TP53I11: variants seen among roughly 807,000 people sequenced by gnomAD.
TP53I11 encodes tumor protein p53-inducible protein 11.
TP53I11 carries 9 observed loss-of-function variants against 23.3 expected under a neutral mutation model. That is an observed-to-expected ratio of 0.39 (90% CI 0.23 to 0.67). The LOEUF (loss-of-function observed/expected upper bound fraction) is 0.67. TP53I11 is among the 30% of genes least tolerant of loss of function. TP53I11 has a pLI of 0.48. For missense variants in TP53I11, 170 were observed against 255.2 expected (o/e 0.67, Z 2.27); for synonymous variants, 100 against 106.1 (o/e 0.94, Z 0.35).
At chr11:44,947,083 A>G (rs1862459200) in intron 1 of TP53I11, 1 of 456,246 alleles carries the variant, frequency 2.2e-6, no homozygotes, top group Non-Finnish European at 4.4e-6. Flanking sequence ...GGTGGCAAGA[A>G]GGAGGCATTC....
intron 1 of TP53I11, among the ~76,000 whole-genome samples, chr11:44,938,881 T>A (rs2135446162): frequency 6.6e-6 from 1 of 152,176 alleles, no homozygotes; most frequent in African/African-American, 2.4e-5. Context: ...CCTTCAAACC[T>A]GCCAAGACCA....
intron 1 of TP53I11, among the ~76,000 whole-genome samples, chr11:44,945,004 G>A (rs1304912512): frequency 3.3e-5 from 5 of 152,224 alleles, no homozygotes; most frequent in African/African-American, 4.8e-5. Flanking sequence ...GACTATGCCC[G>A]TGAGGGCTGG....
chr11:44,935,944 A>C, intron 5 of TP53I11: 2 of 505,900 alleles, frequency 4.0e-6, no homozygotes, highest in Non-Finnish European at 7.2e-6. Flanking sequence ...TCTCTTTATA[A>C]AGGGGGAGGA....
At chr11:44,947,184 G>A (rs1484432010) in intron 1 of TP53I11, 2 of 451,806 alleles carry the variant, frequency 4.4e-6, no homozygotes, top group Non-Finnish European at 8.9e-6. Context: ...GAAGTCACTG[G>A]GAGGTTTTTC....
At chr11:44,942,108 G>A (rs1167814433) in intron 1 of TP53I11, among the ~76,000 whole-genome samples, 5 of 6,960 alleles carry the variant, frequency 7.2e-4, no homozygotes, top group Admixed American at 1.7e-3. Context: ...CACACAATAC[G>A]TGCACACACA....
intron 1 of TP53I11, chr11:44,950,315 C>T (rs1166615008): frequency 6.6e-6 from 1 of 152,362 alleles, no homozygotes; most frequent in Non-Finnish European, 1.5e-5. Flanking sequence ...AAGCAGAAAG[C>T]TCGAGCCCGA....
At chr11:44,938,838 C>T (rs926718830) in intron 1 of TP53I11, among the ~76,000 whole-genome samples, 6 of 152,154 alleles carry the variant, frequency 3.9e-5, no homozygotes, top group East Asian at 1.9e-4. Context: ...TCCTGCAAGC[C>T]GGTGAGCCCC....
chr11:44,936,435 G>A lies in TP53I11; in HGVS notation c.334+368C>T. 2 of 1,232,852 alleles carry A rather than the reference G, an allele frequency of 1.6e-6. No homozygotes were observed. The highest frequency in any genetic ancestry group is 2.0e-6 in the Non-Finnish European group (2 of 989,248). 76.4% of individuals were successfully genotyped at this position (1,232,852 alleles called of 1,614,324 possible). A position where few individuals can be genotyped will look rare whatever the true frequency, so the allele number is the denominator to read the frequency against. On this transcript the variant is annotated intron_variant, in intron 5 of 6. Transcript: ENST00000525680. This position sits in a 1 kb window ranked among gnomAD's most constrained non-coding sequence, Gnocchi z 4.4. ...GAAGTGGCTCTGGGGATAAAATAGG[G>A]GGGGTGCGAGGGGTTTTGCAGACAC... is the stretch of plus-strand genomic sequence containing the variant.
In TP53I11 at chr11:44,937,628, G is replaced by GGT; in HGVS notation, c.130-17_130-16dup. 1.9e-6 allele frequency: 3 copies of GGT among 1,612,738 alleles called. No homozygotes were observed. Among genetic ancestry groups the GGT allele is most frequent in the Non-Finnish European group, 2.5e-6 (3 of 1,179,810 alleles). On this transcript the variant is annotated splice_polypyrimidine_tract_variant and intron_variant, in intron 2 of 6. Transcript: ENST00000525680. ...ACCTGGCTGATCTGTGGACAGAGGG[G>GGT]GTCAGAGGCAACCAGGGTGAGGGCA...
intron 2 of TP53I11, among the ~76,000 whole-genome samples, chr11:44,937,966 ATC>A (rs1385578995): frequency 6.6e-6 from 1 of 152,224 alleles, no homozygotes; most frequent in Admixed American, 6.5e-5. Flanking sequence ...ATTTTACAGT[ATC>A]TGCATCTTCT....
In TP53I11 at chr11:44,934,905, G is replaced by A. The variant is rs528220280; in HGVS notation, c.549C>T (p.Gly183=). The change falls in exon 7 of 7, where the codon GGC becomes GGT. Residue 183 remains glycine, a synonymous_variant. Coordinates refer to ENST00000525680, the MANE Select transcript of TP53I11 (RefSeq NM_006034.5). ...VISIYYYYQV[G]RRPKKA is the part of the protein sequence containing the mutation. ...GCAACTAGGCCTTCTTGGGTCTTCG[G>A]CCGACTTGGTAATAGTAGTAAATGC... 12 of 1,614,128 alleles carry A rather than the reference G, an allele frequency of 7.4e-6. No homozygotes were observed. The highest frequency in any genetic ancestry group is 9.3e-6 in the Non-Finnish European group (11 of 1,179,992).
At chr11:44,935,266 C>T (rs564983990) in intron 6 of TP53I11, among the ~76,000 whole-genome samples, 6 of 151,906 alleles carry the variant, frequency 3.9e-5, no homozygotes, top group African/African-American at 1.4e-4. Context: ...TGTTATTACA[C>T]ACGTGCTGGG....
At chr11:44,944,158 C>G (rs1280229146) in intron 1 of TP53I11, among the ~76,000 whole-genome samples, 1 of 152,154 alleles carries the variant, frequency 6.6e-6, no homozygotes, top group African/African-American at 2.4e-5. Context: ...TGCAAATGCT[C>G]TTGGCAGAGG....
At chr11:44,937,110 A>C in intron 4 of TP53I11, 194 bp downstream of exon 4, 1 of 792,876 alleles carries the variant, frequency 1.3e-6, no homozygotes. Flanking sequence ...GCCACAAACC[A>C]TGGGATCTAG....
Position 44,936,922 on chromosome 11 carries a change from A to C in TP53I11, c.238-23T>G. On this transcript the variant is annotated intron_variant, in intron 4 of 6. Transcript: ENST00000525680. This position sits in a 1 kb window ranked among gnomAD's most constrained non-coding sequence, Gnocchi z 4.4. ...CGCCTGCGGGCAGCGAGAGGGGCTC[A>C]GAGGTCCCGCTTGGGAGAGGGTGGG... 1.9e-6 allele frequency: 3 copies of C among 1,563,754 alleles called. No homozygotes were observed. Among genetic ancestry groups the C allele is most frequent in the Non-Finnish European group, 2.6e-6 (3 of 1,149,232 alleles).
chr11:44,947,280 C>T, intron 1 of TP53I11: 1 of 376,142 alleles, frequency 2.7e-6, no homozygotes, highest in Non-Finnish European at 5.3e-6. Flanking sequence ...GCCCCTTGGC[C>T]CAGTGACCAT....
rs1231080778 is a variant in TP53I11 at position 44,932,603 on chromosome 11, C to T, written c.*2281G>A. 6.6e-6 allele frequency: 1 copy of T among 152,396 alleles called. No individual in the cohort carries two copies. The highest frequency in any genetic ancestry group is 1.5e-5 in the Non-Finnish European group (1 of 68,122). 9.4% of individuals were successfully genotyped at this position (152,396 alleles called of 1,614,324 possible). On this transcript the variant is annotated 3_prime_UTR_variant, in exon 7 of 7. Transcript: ENST00000525680. ...ACTTAAGGGCCCCTGTCCCTCACCC[C>T]TCTGCCACTGCCTCCTTCCCAACTG...
intron 1 of TP53I11, among the ~76,000 whole-genome samples, chr11:44,942,041 ATACACACCACACACACCACACACAT>A (rs1861837890): frequency 1.2e-4 from 1 of 8,482 alleles, no homozygotes; most frequent in Non-Finnish European, 2.4e-4. Context: ...CACCACACAC[ATACACACCACACACACCACACACAT>A]ACCACACACA....
At chr11:44,945,299 A>G (rs1862278858) in intron 1 of TP53I11, among the ~76,000 whole-genome samples, 1 of 152,148 alleles carries the variant, frequency 6.6e-6, no homozygotes, top group Non-Finnish European at 1.5e-5. Context: ...ATCCCCTGCT[A>G]TCCCCACCAC....
Sources: gnomAD v4.1 joint callset for allele counts (sites outside exome capture counted in the v4.1 genomes callset) on GRCh38, gnomAD v4.1.1 for gene constraint, Gnocchi (gnomAD v3.1) non-coding constraint, MANE v1.5 for transcripts, NCBI Gene and HGNC (gene_info 2026-07-23, HGNC 2026-07-21) for gene names.